Variants in PGBD2 observed in about 807,000 individuals in gnomAD.
The protein encoded by PGBD2 is piggyBac transposable element derived 2, also known as piggyBac transposable element-derived protein 2.
A neutral mutation model predicts 8.1 loss-of-function variants in PGBD2; 6 were observed. The observed-to-expected ratio is 0.74, with a 90% CI of 0.40 to 1.46. PGBD2 has a LOEUF of 1.46. PGBD2 is among the 40% of genes most tolerant of loss of function. The pLI is 0.02. For synonymous variants in PGBD2, 318 were observed against 272.2 expected (o/e 1.17, Z -1.66); for missense variants, 802 against 739.0 (o/e 1.09, Z -0.99).
At chr1:248,927,679 T>A in the PGBD2 span, among the ~76,000 whole-genome samples, 25 of 152,296 alleles carry the variant, frequency 1.6e-4, no homozygotes, top group Middle Eastern at 6.8e-3. Context: ...TACCACACCC[T>A]GTTTTAGAAA....
the PGBD2 span, among the ~76,000 whole-genome samples, chr1:248,926,478 T>A: frequency 6.6e-6 from 1 of 152,238 alleles, no homozygotes; most frequent in South Asian, 2.1e-4. Flanking sequence ...TAGTAGCAGC[T>A]TCTCGTCTAC....
the PGBD2 span, among the ~76,000 whole-genome samples, chr1:248,874,901 T>TAGAG: frequency 3.0e-5 from 4 of 132,830 alleles, no homozygotes; most frequent in South Asian, 2.5e-4. Flanking sequence ...GATAGGTAGA[T>TAGAG]AGAGATAGAT....
At chr1:248,905,650 C>T (rs866502180), upstream of PGBD2, among the ~76,000 whole-genome samples, 2 of 152,142 alleles carry the variant, frequency 1.3e-5, no homozygotes, top group African/African-American at 4.8e-5. Flanking sequence ...ACACTGTTAC[C>T]TGAAACTCAA....
chr1:248,925,836 T>A, the PGBD2 span, among the ~76,000 whole-genome samples: 2 of 152,146 alleles, frequency 1.3e-5, no homozygotes, highest in African/African-American at 4.8e-5. Context: ...TCCAAGGCCC[T>A]GGCTCCAGGA....
At chr1:248,881,614 T>C in the PGBD2 span, among the ~76,000 whole-genome samples, 1 of 152,252 alleles carries the variant, frequency 6.6e-6, no homozygotes. Flanking sequence ...CATCTGGTAA[T>C]GCTCTTGGCA....
chr1:248,914,501 C>T, intron 2 of PGBD2: 1 of 1,289,124 alleles, frequency 7.8e-7, no homozygotes, highest in Non-Finnish European at 1.0e-6. Context: ...AGTCAGTCTC[C>T]AGGAAGTGAG....
At chr1:248,907,403 A>G (rs928347977) in intron 1 of PGBD2, among the ~76,000 whole-genome samples, 2 of 152,258 alleles carry the variant, frequency 1.3e-5, no homozygotes, top group African/African-American at 4.8e-5. Flanking sequence ...TCCCAGGGGC[A>G]GGCAGGACAC....
In PGBD2 at chr1:248,919,012, A is replaced by C. The variant is rs886323286; in HGVS notation, c.*649A>C. The C allele has an allele frequency of 5.4e-5, 9 of 167,058 alleles. No individual in the cohort carries two copies. The highest frequency in any genetic ancestry group is 1.7e-4 in the African/African-American group (7 of 41,444). 10.3% of individuals were successfully genotyped at this position (167,058 alleles called of 1,614,324 possible). The stretch of plus-strand genomic sequence containing the variant: ...GGGTTACATGAGATATTCTGATACA[A>C]ACATGCAATGTATAAAAATCACATC... On this transcript the variant is annotated 3_prime_UTR_variant, in exon 3 of 3. Coordinates refer to ENST00000329291, the MANE Select transcript of PGBD2 (RefSeq NM_170725.3).
the PGBD2 span, among the ~76,000 whole-genome samples, chr1:248,890,124 T>C: frequency 6.6e-6 from 1 of 151,796 alleles, no homozygotes; most frequent in East Asian, 1.9e-4. Context: ...ACGGGGTTTC[T>C]CCATGTTGGT....
chr1:248,917,097 T>C lies in PGBD2; in HGVS notation c.513T>C (p.Asn171=). The C allele has an allele frequency of 6.2e-7, 1 of 1,613,970 alleles. No individual in the cohort carries two copies. The highest frequency in any genetic ancestry group is 8.5e-7 in the Non-Finnish European group (1 of 1,179,994). The stretch of plus-strand genomic sequence containing the variant: ...GTTATGCTTGGCAGAAAAATGTCAA[T>C]TTGAGTCTTACGGCTCAGGAATTGA... ...TNRYAWQKNV[N]LSLTAQELKC... Residue 171 remains asparagine (N), a synonymous_variant, in exon 3 of 3, where the codon AAT becomes AAC. Coordinates refer to ENST00000329291, the MANE Select transcript of PGBD2 (RefSeq NM_170725.3).
chr1:248,917,147 T>C lies in PGBD2; in HGVS notation c.563T>C (p.Leu188Ser). Reference sequence around the variant, plus strand: ...AAGTGTGTTTTGGGCATTTTGATTTTAAGTGGGTACATCTCTTATCCAAGG... The same window carrying C: ...AAGTGTGTTTTGGGCATTTTGATTTCAAGTGGGTACATCTCTTATCCAAGG... ...ELKCVLGILI[L>S]SGYISYPRRR... is the part of the protein sequence containing the mutation. The change falls in exon 3 of 3, where the codon TTA becomes TCA. Residue 188 changes from leucine (L) to serine (S), a missense_variant. Physicochemically the swap from Leu to Ser is moderately radical, Grantham distance 145. Coordinates refer to ENST00000329291, the MANE Select transcript of PGBD2 (RefSeq NM_170725.3). The C allele has an allele frequency of 6.2e-7, 1 of 1,614,202 alleles. No individual in the cohort carries two copies. Among genetic ancestry groups the C allele is most frequent in the Non-Finnish European group, 8.5e-7 (1 of 1,180,042 alleles).
In PGBD2 at chr1:248,917,707, CG is replaced by C. The variant is rs1558290060; in HGVS notation, c.1124del (p.Arg375LeufsTer10). 6.2e-7 allele frequency: 1 copy of C among 1,614,048 alleles called. No homozygotes were observed. Among genetic ancestry groups the C allele is most frequent in the South Asian group, 1.1e-5 (1 of 91,064 alleles). ...GGGGGTGAAAGCCACAGGAACTGTT[CG>C]TGAGTACAGGACTGAGCGATGTCCC... is the stretch of plus-strand genomic sequence containing the variant. Reference protein sequence around the residue: ...KKGVKATGTVREYRTERCPLK... With the variant: ...KKGVKATGTVXEYRTERCPLK... On this transcript the variant is annotated frameshift_variant, in exon 3 of 3. Transcript: ENST00000329291. LOFTEE classifies it low-confidence loss of function (END_TRUNC).
chr1:248,928,328 A>G, the PGBD2 span, among the ~76,000 whole-genome samples: 1,804 of 152,244 alleles, frequency 0.012, 17 homozygotes, highest in Non-Finnish European at 0.017. Context: ...TTCCTTATGG[A>G]CTGAAATTCT....
the PGBD2 span, among the ~76,000 whole-genome samples, chr1:248,883,741 C>T: frequency 2.0e-5 from 3 of 151,608 alleles, no homozygotes; most frequent in Non-Finnish European, 4.4e-5. Flanking sequence ...GTACTACAGG[C>T]GCCCGCCACG....
At chr1:248,915,075 T>C (rs1406835079) in intron 2 of PGBD2, among the ~76,000 whole-genome samples, 1 of 152,226 alleles carries the variant, frequency 6.6e-6, no homozygotes, top group African/African-American at 2.4e-5. Flanking sequence ...ATAGCAGCCC[T>C]AGCTCTACCC....
At chr1:248,889,366 C>T in the PGBD2 span, among the ~76,000 whole-genome samples, 21 of 152,134 alleles carry the variant, frequency 1.4e-4, no homozygotes, top group African/African-American at 3.1e-4. Context: ...GCCTGGGTGA[C>T]GGAGCGAGAC....
At position 248,918,535 on chromosome 1, in the gene PGBD2, C is replaced by T. The variant is rs186523059; in HGVS notation, c.*172C>T. On this transcript the variant is annotated 3_prime_UTR_variant, in exon 3 of 3. Transcript: ENST00000329291. ...ATCTTTTTTATTGTGTTGTGTTATGCCTACATGTGATATAAATTAATATTT... is the reference window on the plus strand; with the variant it reads ...ATCTTTTTTATTGTGTTGTGTTATGTCTACATGTGATATAAATTAATATTT... The T allele has an allele frequency of 1.4e-5, 6 of 426,616 alleles. No homozygotes were observed. Among genetic ancestry groups the T allele is most frequent in the Middle Eastern group, 5.8e-4 (1 of 1,718 alleles). 26.4% of individuals were successfully genotyped at this position (426,616 alleles called of 1,614,324 possible).
At chr1:248,891,034 A>G in the PGBD2 span, among the ~76,000 whole-genome samples, 1 of 152,162 alleles carries the variant, frequency 6.6e-6, no homozygotes, top group East Asian at 1.9e-4. Flanking sequence ...ACACGCAGGC[A>G]TGCACATACC....
the PGBD2 span, among the ~76,000 whole-genome samples, chr1:248,873,474 C>G: frequency 1.3e-4 from 20 of 152,254 alleles, no homozygotes; most frequent in African/African-American, 3.6e-4. Flanking sequence ...ATCCATTCGT[C>G]ACTTAGTGGC....
Sources: gnomAD v4.1 joint callset for allele counts (sites outside exome capture counted in the v4.1 genomes callset) on GRCh38, gnomAD v4.1.1 for gene constraint, MANE v1.5 for transcripts, NCBI Gene and HGNC (gene_info 2026-07-23, HGNC 2026-07-21) for gene names.